KPNA5: variants seen among roughly 807,000 people sequenced by gnomAD.
The protein encoded by KPNA5 is importin subunit alpha-6.
In KPNA5, 46 loss-of-function variants were observed where a neutral mutation model predicts 71.3. The ratio of observed to expected loss-of-function variants is 0.65; its 90% CI spans 0.51 to 0.83. The LOEUF is 0.83. Among genes scored for constraint, KPNA5 ranks in the 40% least tolerant of loss-of-function variants. KPNA5 has a pLI of 0.00. For synonymous variants in KPNA5, 207 were observed against 201.4 expected (o/e 1.03, Z -0.24); for missense variants, 547 against 628.3 (o/e 0.87, Z 1.38).
Position 116,724,303 on chromosome 6 carries a change from T to A in KPNA5, c.927T>A (p.Asn309Lys). The A allele has an allele frequency of 6.2e-7, 1 of 1,601,810 alleles. No homozygotes were observed. Among genetic ancestry groups the A allele is most frequent in the Non-Finnish European group, 8.5e-7 (1 of 1,170,016 alleles). The stretch of plus-strand genomic sequence containing the variant: ...ATGTTTTTATTATTTTTAGGCACAA[T>A]GATTATAAAGTTGTATCACCTGCAT... Reference protein sequence around the residue: ...CRRLVELLMHNDYKVVSPALR... With the variant: ...CRRLVELLMHKDYKVVSPALR... The change falls in exon 10 of 14, where the codon AAT (asparagine) becomes AAA (lysine). Residue 309 changes from asparagine to lysine, a missense_variant. Physicochemically the swap from Asn to Lys is moderately conservative, Grantham distance 94 (BLOSUM62 0). Coordinates refer to ENST00000368564, the MANE Select transcript of KPNA5 (RefSeq NM_001366306.2).
rs1351912803 is a variant in KPNA5 at position 116,737,126 on chromosome 6, A to G, written c.*4803A>G. The G allele has an allele frequency of 6.6e-6, 1 of 151,826 alleles. No individual in the cohort carries two copies. The highest frequency in any genetic ancestry group is 1.5e-5 in the Non-Finnish European group (1 of 67,808). The allele number at this position is 151,826 out of a possible 1,614,324, so 9.4% of individuals were successfully genotyped here. ...TTTGTTCTTCTTAACACAAGTTACTAGGGGAAAAAATGTGATCCTTTAAAG... is the reference window on the plus strand; with the variant it reads ...TTTGTTCTTCTTAACACAAGTTACTGGGGGAAAAAATGTGATCCTTTAAAG... On this transcript the variant is annotated 3_prime_UTR_variant, in exon 14 of 14. Coordinates refer to ENST00000368564, the MANE Select transcript of KPNA5 (RefSeq NM_001366306.2).
At position 116,739,471 on chromosome 6, in the gene KPNA5, CTT is replaced by C. The variant is rs1002990192; in HGVS notation, c.*7150_*7151del. The C allele has an allele frequency of 1.3e-5, 2 of 152,174 alleles. No homozygotes were observed. Among genetic ancestry groups the C allele is most frequent in the African/African-American group, 4.8e-5 (2 of 41,446 alleles). The allele number at this position is 152,174 out of a possible 1,614,324, so 9.4% of individuals were successfully genotyped here. A position where few individuals can be genotyped will look rare whatever the true frequency, so the allele number is the denominator to read the frequency against. ...GCCATCCCCATCAAGCTACCAATGC[CTT>C]TCTTCACAGAATTGCAAAAAACTAC... is the stretch of plus-strand genomic sequence containing the variant. On this transcript the variant is annotated 3_prime_UTR_variant, in exon 14 of 14. Coordinates refer to ENST00000368564, the MANE Select transcript of KPNA5 (RefSeq NM_001366306.2).
chr6:116,700,526 A>G (rs1396808491), intron 5 of KPNA5, among the ~76,000 whole-genome samples: 1 of 152,174 alleles, frequency 6.6e-6, no homozygotes, highest in Admixed American at 6.5e-5. Context: ...AATCACTGTA[A>G]TTAAAAACTA....
At chr6:116,691,729 A>G (rs1415657824) in intron 2 of KPNA5, among the ~76,000 whole-genome samples, 2 of 152,192 alleles carry the variant, frequency 1.3e-5, no homozygotes, top group African/African-American at 4.8e-5. Flanking sequence ...TAGATACCTC[A>G]TAATCCAGTG....
chr6:116,689,218 C>A, intron 1 of KPNA5, 102 bp from the exon 2 acceptor site: 1 of 1,223,516 alleles, frequency 8.2e-7, no homozygotes, highest in Non-Finnish European at 1.1e-6. Flanking sequence ...TTTTGTTGAC[C>A]TGTTAATCAG....
intron 1 of KPNA5, among the ~76,000 whole-genome samples, chr6:116,686,062 G>C (rs891684513): frequency 2.0e-5 from 3 of 151,986 alleles, no homozygotes; most frequent in Admixed American, 2.0e-4. Flanking sequence ...GTGCCACCAT[G>C]CCTGGGTAAT....
chr6:116,688,068 C>T (rs1300500166), intron 1 of KPNA5, among the ~76,000 whole-genome samples: 1 of 152,064 alleles, frequency 6.6e-6, no homozygotes, highest in Non-Finnish European at 1.5e-5. Context: ...AAAACTTTGC[C>T]TTTGCATATA....
At chr6:116,708,982 C>T (rs1778549441) in intron 7 of KPNA5, among the ~76,000 whole-genome samples, 1 of 152,008 alleles carries the variant, frequency 6.6e-6, no homozygotes. Flanking sequence ...GACGGAGTTT[C>T]ACCATGTTGG....
intron 8 of KPNA5, among the ~76,000 whole-genome samples, chr6:116,721,517 A>G (rs955209354): frequency 1.3e-5 from 2 of 152,098 alleles, no homozygotes; most frequent in African/African-American, 4.8e-5. Context: ...TTAAAAAAAC[A>G]GCTTTAAGGA....
intron 1 of KPNA5, among the ~76,000 whole-genome samples, chr6:116,686,260 T>C (rs1219104732): frequency 6.6e-6 from 1 of 152,154 alleles, no homozygotes; most frequent in Non-Finnish European, 1.5e-5. Flanking sequence ...TGGTGTGAGA[T>C]GGTATTTTAT....
chr6:116,706,805 T>G (rs1778457458), intron 7 of KPNA5, among the ~76,000 whole-genome samples: 1 of 151,844 alleles, frequency 6.6e-6, no homozygotes, highest in African/African-American at 2.4e-5. Context: ...GAAAAGTAAT[T>G]AAAAGGAAGT....
In KPNA5 at chr6:116,739,795, T is replaced by G. The variant is rs1779803857; in HGVS notation, c.*7472T>G. Reference sequence around the variant, plus strand: ...GTGCTGGGAAAACTGGCTAGCCATATGTAGAAAGCTGAAACTGTATCCCTT... The same window carrying G: ...GTGCTGGGAAAACTGGCTAGCCATAGGTAGAAAGCTGAAACTGTATCCCTT... On this transcript the variant is annotated 3_prime_UTR_variant, in exon 14 of 14. Transcript: ENST00000368564. The G allele has an allele frequency of 6.6e-6, 1 of 151,606 alleles. No homozygotes were observed. The highest frequency in any genetic ancestry group is 2.1e-4 in the South Asian group (1 of 4,782). 9.4% of individuals were successfully genotyped at this position (151,606 alleles called of 1,614,324 possible).
At chr6:116,719,045 A>G (rs1226377345) in intron 8 of KPNA5, among the ~76,000 whole-genome samples, 4 of 152,140 alleles carry the variant, frequency 2.6e-5, no homozygotes, top group African/African-American at 7.2e-5. Flanking sequence ...CAGCCTCCCA[A>G]AGTGCTGGGA....
intron 5 of KPNA5, among the ~76,000 whole-genome samples, chr6:116,700,592 G>A (rs974251017): frequency 6.6e-6 from 1 of 152,188 alleles, no homozygotes; most frequent in African/African-American, 2.4e-5. Flanking sequence ...TGTTACCCAA[G>A]TGCTTGTGAA....
At chr6:116,692,739 TA>T (rs1777853424) in intron 4 of KPNA5, among the ~76,000 whole-genome samples, 1 of 152,236 alleles carries the variant, frequency 6.6e-6, no homozygotes, top group East Asian at 1.9e-4. Context: ...ATTTATTTTT[TA>T]TTTTTTTGTT....
intron 13 of KPNA5, among the ~76,000 whole-genome samples, chr6:116,730,084 A>ATTTTTTTTTTTTTTTTTTTTTTTTTTTT (rs66651825): frequency 8.0e-6 from 1 of 124,698 alleles, no homozygotes; most frequent in Non-Finnish European, 1.7e-5. Flanking sequence ...AAAATATGTA[A>ATTTTTTTTTTTTTTTTTTTTTTTTTTTT]TTTTTTTTTT....
intron 6 of KPNA5, among the ~76,000 whole-genome samples, chr6:116,703,116 C>T (rs529967367): frequency 6.6e-6 from 1 of 152,056 alleles, no homozygotes; most frequent in Admixed American, 6.5e-5. Flanking sequence ...CCATAATTTG[C>T]CATCTGTTCA....
chr6:116,734,348 A>G lies in KPNA5; in HGVS notation c.*2025A>G, dbSNP rs1415131700. ...AAATTTTTCAAACAAGATAGTTCTT[A>G]TAGAAGGAGAAATAATAAATATGTG... On this transcript the variant is annotated 3_prime_UTR_variant, in exon 14 of 14. Transcript: ENST00000368564. 1 of 151,776 alleles carries G rather than the reference A, an allele frequency of 6.6e-6. No homozygotes were observed. The highest frequency in any genetic ancestry group is 1.5e-5 in the Non-Finnish European group (1 of 67,746). The allele number at this position is 151,776 out of a possible 1,614,324, so 9.4% of individuals were successfully genotyped here.
At chr6:116,717,732 T>C (rs1392268916) in intron 8 of KPNA5, among the ~76,000 whole-genome samples, 1 of 152,142 alleles carries the variant, frequency 6.6e-6, no homozygotes, top group Non-Finnish European at 1.5e-5. Context: ...CCTAGGACTT[T>C]ATAGACTGGC....
Sources: gnomAD v4.1 joint callset for allele counts (sites outside exome capture counted in the v4.1 genomes callset) on GRCh38, gnomAD v4.1.1 for gene constraint, MANE v1.5 for transcripts, NCBI Gene and HGNC (gene_info 2026-07-23, HGNC 2026-07-21) for gene names.